The following KRT86 variants were observed in gnomAD, a reference collection of about 807,000 sequenced individuals.
KRT86 encodes keratin, type II cuticular Hb6.
KRT86 carries 30 observed loss-of-function variants against 41.2 expected under a neutral mutation model. The observed-to-expected ratio is 0.73, with a 90% CI of 0.54 to 0.99. The LOEUF (loss-of-function observed/expected upper bound fraction) is 0.99. Among genes scored for constraint, KRT86 ranks in the 50% least tolerant of loss-of-function variants. The pLI, the probability that KRT86 is intolerant of heterozygous loss-of-function variation, is 0.00. For missense variants in KRT86, 561 were observed against 571.4 expected (o/e 0.98, Z 0.19); for synonymous variants, 238 against 238.1 (o/e 1.00, Z 0.00).
chr12:52,308,676 C>G lies in KRT86; in HGVS notation c.*91C>G, dbSNP rs1938575879. ...AGAACGCGCCGCCCGCGCCGGCCTC[C>G]CAATAGCCGCCGCCCGCTGCCTGCA... is the stretch of plus-strand genomic sequence containing the variant. On this transcript the variant is annotated 3_prime_UTR_variant, in exon 11 of 11. Coordinates refer to ENST00000423955, the MANE Select transcript of KRT86 (RefSeq NM_001320198.2). The G allele has an allele frequency of 1.6e-6, 2 of 1,241,574 alleles. No individual in the cohort carries two copies. Among genetic ancestry groups the G allele is most frequent in the Non-Finnish European group, 2.3e-6 (2 of 879,984 alleles). 76.9% of individuals were successfully genotyped at this position (1,241,574 alleles called of 1,614,324 possible).
At chr12:52,288,696 C>T (rs1485087267) in intron 2 of KRT86, among the ~76,000 whole-genome samples, 1 of 152,062 alleles carries the variant, frequency 6.6e-6, no homozygotes, top group Non-Finnish European at 1.5e-5. Context: ...CCTCCTGTCT[C>T]TCCCTTCTCT....
chr12:52,275,949 G>A lies in KRT86; in HGVS notation c.-5+3G>A, dbSNP rs1431013295. 1.0e-6 allele frequency: 1 copy of A among 985,886 alleles called. No homozygotes were observed. The highest frequency in any genetic ancestry group is 1.2e-6 in the Non-Finnish European group (1 of 830,002). 61.1% of individuals were successfully genotyped at this position (985,886 alleles called of 1,614,324 possible). A position where few individuals can be genotyped will look rare whatever the true frequency, so the allele number is the denominator to read the frequency against. On this transcript the variant is annotated splice_donor_region_variant and intron_variant, in intron 2 of 10. Coordinates refer to ENST00000423955, the MANE Select transcript of KRT86 (RefSeq NM_001320198.2). Reference sequence around the variant, plus strand: ...AGGTGGGCAGTGCTGAGAGTCAGGTGAGAGGTGGGAGTGGGGGGCAACAGA... The same window carrying A: ...AGGTGGGCAGTGCTGAGAGTCAGGTAAGAGGTGGGAGTGGGGGGCAACAGA...
intron 10 of KRT86, 24 bp downstream of exon 10, chr12:52,308,288 C>A (rs757433234): frequency 6.2e-7 from 1 of 1,614,154 alleles, no homozygotes; most frequent in South Asian, 1.1e-5. Context: ...TCCGTCCCCT[C>A]CTCCCGCTGG....
chr12:52,306,557 G>A lies in KRT86; in HGVS notation c.1247+277G>A, dbSNP rs1938524290. On this transcript the variant is annotated intron_variant, in intron 9 of 10. Coordinates refer to ENST00000423955, the MANE Select transcript of KRT86 (RefSeq NM_001320198.2). Reference sequence around the variant, plus strand: ...TTACTGAGAAGCCTAATTAAGGCTTGGGGTCAGCTTGCCTGGGTAGTGCTT... The same window carrying A: ...TTACTGAGAAGCCTAATTAAGGCTTAGGGTCAGCTTGCCTGGGTAGTGCTT... 6 of 576,496 alleles carry A rather than the reference G, an allele frequency of 1.0e-5. No individual in the cohort carries two copies. In the South Asian group the frequency reaches 1.0e-4, roughly 10 times the overall value. The allele number at this position is 576,496 out of a possible 1,614,324, so 35.7% of individuals were successfully genotyped here.
intron 2 of KRT86, among the ~76,000 whole-genome samples, chr12:52,291,952 T>G (rs1193953114): frequency 6.6e-6 from 1 of 152,154 alleles, no homozygotes; most frequent in Non-Finnish European, 1.5e-5. Context: ...GAGGCATTAA[T>G]AAATACCATC....
At chr12:52,281,079 G>A (rs1479987221) in intron 2 of KRT86, among the ~76,000 whole-genome samples, 1 of 152,224 alleles carries the variant, frequency 6.6e-6, no homozygotes, top group Non-Finnish European at 1.5e-5. Flanking sequence ...TTGTGGTTTG[G>A]AGACTAATTC....
chr12:52,281,199 C>G (rs533102810), intron 2 of KRT86, among the ~76,000 whole-genome samples: 24 of 152,158 alleles, frequency 1.6e-4, no homozygotes, highest in Admixed American at 1.6e-3. Flanking sequence ...CTTTGTGAGT[C>G]GGGTGGCTTC....
intron 2 of KRT86, chr12:52,287,152 C>T: frequency 1.2e-6 from 2 of 1,613,558 alleles, no homozygotes; most frequent in Non-Finnish European, 1.7e-6. Context: ...TCTCGATGTC[C>T]AGGCCCAGCT....
intron 2 of KRT86, among the ~76,000 whole-genome samples, chr12:52,292,407 T>C (rs948454012): frequency 6.6e-6 from 1 of 152,236 alleles, no homozygotes; most frequent in Non-Finnish European, 1.5e-5. Flanking sequence ...TCCTAAGGAT[T>C]TTAAAACTAC....
At chr12:52,305,619 G>A in intron 7 of KRT86, 44 bp from the exon 8 acceptor site, 2 of 1,613,968 alleles carry the variant, frequency 1.2e-6, no homozygotes, top group South Asian at 2.2e-5. Flanking sequence ...TGAATGGGTG[G>A]GAGGTCCCAC....
chr12:52,301,434 A>C (rs1216758361), intron 2 of KRT86, among the ~76,000 whole-genome samples: 1 of 151,836 alleles, frequency 6.6e-6, no homozygotes, highest in African/African-American at 2.4e-5. Flanking sequence ...TTCCACATCA[A>C]GGGATTCCCC....
chr12:52,286,432 TG>T, intron 2 of KRT86: 1 of 1,553,024 alleles, frequency 6.4e-7, no homozygotes, highest in Admixed American at 2.0e-5. Flanking sequence ...TGCCAGTCAC[TG>T]GCCGGGAGCC....
chr12:52,274,751 C>T (rs1192061565), intron 1 of KRT86, 29 bp downstream of exon 1: 7 of 984,064 alleles, frequency 7.1e-6, no homozygotes, highest in Non-Finnish European at 7.2e-6. Flanking sequence ...GCTCCCTGGT[C>T]ACACAGGGAT....
chr12:52,302,074 G>A lies in KRT86; in HGVS notation c.158G>A (p.Gly53Asp). 1 of 1,598,648 alleles carries A rather than the reference G, an allele frequency of 6.3e-7. No homozygotes were observed. The highest frequency in any genetic ancestry group is 8.5e-7 in the Non-Finnish European group (1 of 1,173,814). The part of the protein sequence containing the change: ...GGFGSHSVCG[G>D]FRAGSCGRSF... ...TTCGGCAGCCACAGCGTGTGCGGAG[G>A]CTTTCGGGCCGGCTCCTGCGGACGC... is the stretch of plus-strand genomic sequence containing the variant. Residue 53 changes from glycine (G) to aspartate (D), a missense_variant, in exon 3 of 11, where the codon GGC becomes GAC. Physicochemically the swap from Gly to Asp is moderately conservative, Grantham distance 94. Transcript: ENST00000423955.
chr12:52,286,876 A>G, intron 2 of KRT86: 1 of 1,604,126 alleles, frequency 6.2e-7, no homozygotes, highest in Non-Finnish European at 8.5e-7. Flanking sequence ...AGTGGCTGAA[A>G]AAGCTCCCCA....
intron 2 of KRT86, among the ~76,000 whole-genome samples, chr12:52,284,203 T>C (rs1187419610): frequency 6.6e-6 from 1 of 152,152 alleles, no homozygotes; most frequent in African/African-American, 2.4e-5. Context: ...TGTTTTTTTA[T>C]TTTTTTGAAA....
At chr12:52,307,553 G>A (rs1377170121) in intron 9 of KRT86, among the ~76,000 whole-genome samples, 7 of 152,224 alleles carry the variant, frequency 4.6e-5, no homozygotes, top group African/African-American at 1.7e-4. Context: ...GAAATGTGGG[G>A]TGGGTAGAAA....
At chr12:52,286,928 G>A in intron 2 of KRT86, 1 of 1,532,890 alleles carries the variant, frequency 6.5e-7, no homozygotes, top group Non-Finnish European at 9.0e-7. Context: ...TAAGAACAGA[G>A]TCTGAGGGAA....
intron 2 of KRT86, chr12:52,286,958 T>G (rs1296707268): frequency 1.9e-6 from 3 of 1,546,040 alleles, no homozygotes; most frequent in Non-Finnish European, 2.7e-6. Context: ...TCAGACAAAC[T>G]CACACACCAG....
Sources: allele counts gnomAD v4.1 joint callset (sites outside exome capture counted in the v4.1 genomes callset), GRCh38; gene constraint gnomAD v4.1.1; transcripts MANE v1.5; gene names NCBI Gene and HGNC (gene_info 2026-07-23, HGNC 2026-07-21).